Variants in SLC29A2 observed in about 807,000 individuals in gnomAD.
The protein encoded by SLC29A2 is solute carrier family 29 member 2.
A neutral mutation model predicts 48.8 loss-of-function variants in SLC29A2; 37 were observed. That is an observed-to-expected ratio of 0.76 (90% CI 0.58 to 1.00). SLC29A2 has a LOEUF of 1.00. SLC29A2 is among the 50% of genes least tolerant of loss of function. SLC29A2 has a pLI of 0.00. For missense variants in SLC29A2, 533 were observed against 578.6 expected, an observed-to-expected ratio of 0.92 and a Z score of 0.81; for synonymous variants, 233 against 261.7, an observed-to-expected ratio of 0.89 and a Z score of 1.06.
At position 66,369,198 on chromosome 11, in the gene SLC29A2, C is replaced by T. The variant is rs139568207; in HGVS notation, c.277G>A (p.Val93Ile). Residue 93 changes from valine (V) to isoleucine (I), a missense_variant and splice_region_variant, in exon 4 of 12, where the codon GTC (valine) becomes ATC (isoleucine). Transcript: ENST00000357440. ...CCCAGAATGCGCACCGTCTCCGGGA[C>T]GCTGCTCAGAAGCAGGCAGAGTGCA... ...TLLNSFLYQC[V>I]PETVRILGSL... 66 of 1,575,132 alleles carry T rather than the reference C, an allele frequency of 4.2e-5. No individual in the cohort carries two copies. Among genetic ancestry groups the T allele is most frequent in the Admixed American group, 5.6e-5 (3 of 53,256 alleles).
chr11:66,366,477 T>C lies in SLC29A2; in HGVS notation c.821A>G (p.Glu274Gly), dbSNP rs1433268246. ...LEKEPESEPDEPQKPGKPSVF... is the reference protein window; with the variant it reads ...LEKEPESEPDGPQKPGKPSVF... ...TGAAGGTTTTCCTGGCTTCTGGGGC[T>C]CATCTGGCTCTGATTCCGGCTCCTT... The change falls in exon 8 of 12, where the codon GAG becomes GGG. Residue 274 changes from glutamate to glycine, a missense_variant. Glu to Gly is a moderately conservative substitution (Grantham distance 98). Coordinates refer to ENST00000357440, the MANE Select transcript of SLC29A2 (RefSeq NM_001532.3). The C allele has an allele frequency of 3.1e-6, 5 of 1,614,130 alleles. No individual in the cohort carries two copies. The African/African-American group carries it at 6.7e-5, about 22-fold the overall frequency.
rs906304040 is a variant in SLC29A2 at position 66,368,985 on chromosome 11, T to C, written c.415+75A>G. 283 of 1,520,268 alleles carry C rather than the reference T, an allele frequency of 1.9e-4. 1 individual carries two copies. Among genetic ancestry groups the C allele is most frequent in the Admixed American group, 2.5e-4 (13 of 51,466 alleles). 94.2% of individuals were successfully genotyped at this position (1,520,268 alleles called of 1,614,324 possible). ...TGATGCTGTCTGCCCTTCTCGGATA[T>C]GCTGGGCCCTTTCAATGATGAGGCC... On this transcript the variant is annotated intron_variant, in intron 4 of 11. Coordinates refer to ENST00000357440, the MANE Select transcript of SLC29A2 (RefSeq NM_001532.3).
chr11:66,369,582 G>A (rs773840177), intron 2 of SLC29A2, 50 bp from the exon 3 acceptor site: 26 of 1,599,442 alleles, frequency 1.6e-5, no homozygotes, highest in Admixed American at 6.7e-5. Context: ...GCCTTCCCCC[G>A]CTGCCTTCCC....
Position 66,366,186 on chromosome 11 carries a change from G to A in SLC29A2, c.913C>T (p.Leu305=). ...GCTGTGATGGCGGGGAAGACGGACA[G>A]GGTGACTGTGAAGACCAACACAAGG... ...LCLVLVFTVT[L]SVFPAITAMV... is the part of the protein sequence containing the mutation. The change falls in exon 9 of 12, where the codon CTG becomes TTG. Residue 305 remains leucine, a synonymous_variant. Coordinates refer to ENST00000357440, the MANE Select transcript of SLC29A2 (RefSeq NM_001532.3). 1 of 1,614,194 alleles carries A rather than the reference G, an allele frequency of 6.2e-7. No homozygotes were observed. Among genetic ancestry groups the A allele is most frequent in the Non-Finnish European group, 8.5e-7 (1 of 1,180,036 alleles).
intron 4 of SLC29A2, 128 bp downstream of exon 4, chr11:66,368,932 G>T: frequency 7.6e-7 from 1 of 1,321,618 alleles, no homozygotes; most frequent in Non-Finnish European, 1.1e-6. Context: ...GTGGGCCTCA[G>T]TTTCTTCACC....
Position 66,363,376 on chromosome 11 carries a change from G to T in SLC29A2, c.*60C>A, listed in dbSNP as rs117647993. 9.5e-6 allele frequency: 13 copies of T among 1,374,938 alleles called. No individual in the cohort carries two copies. Among genetic ancestry groups the T allele is most frequent in the Non-Finnish European group, 1.3e-5 (13 of 968,128 alleles). 85.2% of individuals were successfully genotyped at this position (1,374,938 alleles called of 1,614,324 possible). On this transcript the variant is annotated 3_prime_UTR_variant, in exon 12 of 12. Coordinates refer to ENST00000357440, the MANE Select transcript of SLC29A2 (RefSeq NM_001532.3). ...CAAGCTCGCCATTCGCCCTGGGCTGGATCTCAGCTCCGGAAGGAGACGTCG... is the reference window on the plus strand; with the variant it reads ...CAAGCTCGCCATTCGCCCTGGGCTGTATCTCAGCTCCGGAAGGAGACGTCG...
upstream of SLC29A2, chr11:66,372,341 C>T (rs928583188): frequency 5.3e-5 from 8 of 152,240 alleles, no homozygotes; most frequent in African/African-American, 1.9e-4. Flanking sequence ...GACTATAAAT[C>T]ATTAATTTGC....
intron 2 of SLC29A2, among the ~76,000 whole-genome samples, chr11:66,370,437 G>T (rs1309209198): frequency 6.6e-6 from 1 of 152,220 alleles, no homozygotes; most frequent in Non-Finnish European, 1.5e-5. Context: ...TTGTTGCAGT[G>T]AATACAGATG....
chr11:66,366,686 A>G, intron 7 of SLC29A2, 122 bp from the exon 8 acceptor site: 4 of 1,097,396 alleles, frequency 3.6e-6, no homozygotes, highest in Non-Finnish European at 5.2e-6. Context: ...ATGGTGGCTC[A>G]CGCCTGTAAT....
In SLC29A2 at chr11:66,363,033, G is replaced by A; in HGVS notation, c.*403C>T. ...TCCCTGGCACCTTTTACCCTGGGTG[G>A]CTGAGGCCTGGGAAGATGAGGCGCT... On this transcript the variant is annotated 3_prime_UTR_variant, in exon 12 of 12. Coordinates refer to ENST00000357440, the MANE Select transcript of SLC29A2 (RefSeq NM_001532.3). The A allele has an allele frequency of 3.5e-6, 1 of 284,182 alleles. No homozygotes were observed. The highest frequency in any genetic ancestry group is 7.0e-6 in the Non-Finnish European group (1 of 143,672). 17.6% of individuals were successfully genotyped at this position (284,182 alleles called of 1,614,324 possible). A position where few individuals can be genotyped will look rare whatever the true frequency, so the allele number is the denominator to read the frequency against.
intron 7 of SLC29A2, among the ~76,000 whole-genome samples, 186 bp downstream of exon 7, chr11:66,367,278 G>A (rs1394497909): frequency 6.6e-6 from 1 of 152,128 alleles, no homozygotes; most frequent in African/African-American, 2.4e-5. Context: ...TTATAGAGGT[G>A]GAAACTGAGG....
intron 10 of SLC29A2, 81 bp from the exon 11 acceptor site, chr11:66,364,505 T>TAA: frequency 3.7e-5 from 2 of 54,446 alleles, no homozygotes; most frequent in Non-Finnish European, 6.0e-5. Flanking sequence ...ATAGAGTACT[T>TAA]TTTTTTTTTT....
chr11:66,368,979 C>G, intron 4 of SLC29A2, 81 bp downstream of exon 4: 1 of 1,505,400 alleles, frequency 6.6e-7, no homozygotes. Flanking sequence ...CTGCCCTTCT[C>G]GGATATGCTG....
At chr11:66,372,133 C>G (rs1856089810), upstream of SLC29A2, 1 of 152,646 alleles carries the variant, frequency 6.6e-6, no homozygotes, top group Non-Finnish European at 1.5e-5. Flanking sequence ...ACCGGGGCGC[C>G]CCCTAACTAG....
Position 66,364,232 on chromosome 11 carries a change from C to T in SLC29A2, c.1252G>A (p.Ala418Thr). 6.2e-7 allele frequency: 1 copy of T among 1,610,144 alleles called. No individual in the cohort carries two copies. The highest frequency in any genetic ancestry group is 8.5e-7 in the Non-Finnish European group (1 of 1,178,448). ...GYLVSLTMCL[A>T]PRQVLPHERE... ...CACCCCATTGCCCCGGACCTGGGCG[C>T]CAGGCACATGGTGAGGGACACCAGG... Residue 418 changes from alanine (A) to threonine (T), a missense_variant, in exon 11 of 12, where the codon GCG (alanine) becomes ACG (threonine). Transcript: ENST00000357440.
At chr11:66,366,253 G>T (rs371852018) in intron 8 of SLC29A2, 22 bp from the exon 9 acceptor site, 2 of 1,609,706 alleles carry the variant, frequency 1.2e-6, no homozygotes, top group South Asian at 2.2e-5. Flanking sequence ...AGGCAGGGGT[G>T]TGAGCAGGCA....
chr11:66,369,211 C>T lies in SLC29A2; in HGVS notation c.276-12G>A. 1 of 1,576,996 alleles carries T rather than the reference C, an allele frequency of 6.3e-7. No individual in the cohort carries two copies. Among genetic ancestry groups the T allele is most frequent in the African/African-American group, 1.3e-5 (1 of 74,172 alleles). ...CCGTCTCCGGGACGCTGCTCAGAAG[C>T]AGGCAGAGTGCATCAGTGGGGCCCA... is the stretch of plus-strand genomic sequence containing the variant. On this transcript the variant is annotated splice_polypyrimidine_tract_variant and intron_variant, in intron 3 of 11. Transcript: ENST00000357440.
At chr11:66,370,537 T>C (rs1412122216) in intron 2 of SLC29A2, among the ~76,000 whole-genome samples, 1 of 152,202 alleles carries the variant, frequency 6.6e-6, no homozygotes, top group Non-Finnish European at 1.5e-5. Flanking sequence ...CCCCAGTGCC[T>C]GCTCCACAGT....
intron 10 of SLC29A2, among the ~76,000 whole-genome samples, chr11:66,365,475 C>G (rs1010271327): frequency 6.6e-6 from 1 of 152,220 alleles, no homozygotes; most frequent in East Asian, 1.9e-4. Flanking sequence ...TTCCACAGAC[C>G]CCCTTGGGGG....
Sources: gnomAD v4.1 joint callset for allele counts (sites outside exome capture counted in the v4.1 genomes callset) on GRCh38, gnomAD v4.1.1 for gene constraint, MANE v1.5 for transcripts, NCBI Gene and HGNC (gene_info 2026-07-23, HGNC 2026-07-21) for gene names.